The following BTBD2 variants were observed in gnomAD, a reference collection of about 807,000 sequenced individuals.
BTBD2 encodes BTB domain containing 2.
BTBD2 carries 15 observed loss-of-function variants against 44.0 expected under a neutral mutation model. That is an observed-to-expected ratio of 0.34 (90% CI 0.23 to 0.53). The LOEUF is 0.53. BTBD2 is among the 20% of genes least tolerant of loss of function. The pLI, the probability that BTBD2 is intolerant of heterozygous loss-of-function variation, is 0.95. For missense variants in BTBD2, 657 were observed against 746.4 expected, an observed-to-expected ratio of 0.88 and a Z score of 1.39; for synonymous variants, 443 against 335.9, an observed-to-expected ratio of 1.32 and a Z score of -3.49.
At position 1,997,483 on chromosome 19, in the gene BTBD2, G is replaced by A. The variant is rs1242094143; in HGVS notation, c.408-20C>T. 2.5e-6 allele frequency: 4 copies of A among 1,613,518 alleles called. No homozygotes were observed. The highest frequency in any genetic ancestry group is 3.4e-6 in the Non-Finnish European group (4 of 1,179,892). On this transcript the variant is annotated intron_variant, in intron 1 of 8. Transcript: ENST00000255608. ...ACGAACCTGGTACGGGAGAGAGAAG[G>A]CCCTGGTTAAGCCCGTGGCCGCCAC...
At chr19:2,006,206 T>C (rs1202533868) in intron 1 of BTBD2, among the ~76,000 whole-genome samples, 1 of 152,194 alleles carries the variant, frequency 6.6e-6, no homozygotes, top group African/African-American at 2.4e-5. Context: ...ATTCAACTCC[T>C]CGGTCACACT....
Position 1,990,400 on chromosome 19 carries a change from GGTT to G in BTBD2, c.791-202_791-200del, listed in dbSNP as rs377439507. 292 of 659,538 alleles carry G rather than the reference GGTT, an allele frequency of 4.4e-4. 2 individuals carry two copies. The East Asian group carries it at 5.5e-3, about 12-fold the overall frequency. 40.9% of individuals were successfully genotyped at this position (659,538 alleles called of 1,614,324 possible). A position where few individuals can be genotyped will look rare whatever the true frequency, so the allele number is the denominator to read the frequency against. ...ACGCCCCTTCATTTTCCTCGGCTGT[GGTT>G]GTTTTTAAGCCACAAGGACAGACTT... On this transcript the variant is annotated intron_variant, in intron 4 of 8. Transcript: ENST00000255608.
In BTBD2 at chr19:1,993,161, G is replaced by A; in HGVS notation, c.543C>T (p.Asp181=). ...FLALLKFLYS[D]EVQIGPETVM... ...CCGTCTCCGGGCCAATCTGCACCTCGTCCGAGTAGAGAAACCTGCAGAAGC... is the reference window on the plus strand; with the variant it reads ...CCGTCTCCGGGCCAATCTGCACCTCATCCGAGTAGAGAAACCTGCAGAAGC... Residue 181 remains aspartate (D), a synonymous_variant, in exon 3 of 9, where the codon GAC becomes GAT. Coordinates refer to ENST00000255608, the MANE Select transcript of BTBD2 (RefSeq NM_017797.4). The A allele has an allele frequency of 6.2e-7, 1 of 1,602,544 alleles. No homozygotes were observed. Among genetic ancestry groups the A allele is most frequent in the South Asian group, 1.1e-5 (1 of 90,688 alleles).
At chr19:2,015,178 G>A in intron 1 of BTBD2, 119 bp downstream of exon 1, 2 of 1,350,262 alleles carry the variant, frequency 1.5e-6, no homozygotes, top group East Asian at 3.2e-5. Flanking sequence ...GGGGTGCAGG[G>A]CTCGGGGATG....
chr19:2,012,005 C>G (rs568419967), intron 1 of BTBD2, among the ~76,000 whole-genome samples: 67 of 152,122 alleles, frequency 4.4e-4, no homozygotes, highest in African/African-American at 1.5e-3. Context: ...CAGTTGTGCA[C>G]CACCACACCC....
At chr19:1,998,076 CTCAT>C (rs60881878) in intron 1 of BTBD2, among the ~76,000 whole-genome samples, 15,184 of 142,080 alleles carry the variant, frequency 0.11, 925 homozygotes, top group East Asian at 0.23. Context: ...TCATCGCACA[CTCAT>C]TCACTCACCC....
intron 1 of BTBD2, among the ~76,000 whole-genome samples, chr19:2,011,772 C>T (rs902468172): frequency 2.0e-5 from 3 of 152,188 alleles, no homozygotes; most frequent in Non-Finnish European, 4.4e-5. Context: ...TGCTCCTCAG[C>T]CCTCAATATG....
intron 1 of BTBD2, chr19:2,013,431 T>C (rs533597342): frequency 4.6e-6 from 4 of 862,572 alleles, no homozygotes; most frequent in Non-Finnish European, 5.6e-6. Context: ...GAGCTGGGGG[T>C]CTCTGGGTTG....
Position 1,987,712 on chromosome 19 carries a change from T to G in BTBD2, c.989-20A>C. ...CGGGACCTGCAGCACAGGGAGGGTG[T>G]GGGGGAGGGCCGGGCTGCACCCCAG... is the stretch of plus-strand genomic sequence containing the variant. On this transcript the variant is annotated intron_variant, in intron 5 of 8. Transcript: ENST00000255608. 1.3e-6 allele frequency: 2 copies of G among 1,570,298 alleles called. No homozygotes were observed.
chr19:2,014,350 T>C (rs1226688698), intron 1 of BTBD2: 1 of 138,344 alleles, frequency 7.2e-6, no homozygotes, highest in Non-Finnish European at 1.5e-5. Context: ...GTCCTGGGAA[T>C]GGAGGAGCAG....
rs927206402 is a variant in BTBD2 at position 2,015,606 on chromosome 19, G to C, written c.98C>G (p.Ala33Gly). The C allele has an allele frequency of 1.0e-6, 1 of 973,252 alleles. No homozygotes were observed. The highest frequency in any genetic ancestry group is 1.8e-5 in the African/African-American group (1 of 54,334). 60.3% of individuals were successfully genotyped at this position (973,252 alleles called of 1,614,324 possible). A position where few individuals can be genotyped will look rare whatever the true frequency, so the allele number is the denominator to read the frequency against. ...CGCGTTGCCGGGGGCCGGGGTGGCG[G>C]CGGCGTTGGCGCTGGGCCCGGGACT... ...GGSPGPSANA[A>G]ATPAPGNAAA... Residue 33 changes from alanine (A) to glycine (G), a missense_variant, in exon 1 of 9, where the codon GCC becomes GGC. By Grantham distance (60) the Ala-to-Gly change is moderately conservative (BLOSUM62 0). Around this residue, in one of 3 missense-constraint regions of BTBD2, gnomAD observed 191 missense variants for 188.5 expected, o/e 1.01. Coordinates refer to ENST00000255608, the MANE Select transcript of BTBD2 (RefSeq NM_017797.4).
chr19:1,990,538 G>C lies in BTBD2; in HGVS notation c.790+179C>G, dbSNP rs977514004. Among the ~76,000 whole-genome samples, 3 of 152,318 alleles carry C rather than the reference G, an allele frequency of 2.0e-5. No homozygotes were observed. In the East Asian group the frequency reaches 5.8e-4, roughly 29 times the overall value. ...GTGGGCTCTGGCCTGTGGCCTCCTG[G>C]CCAAGGCCCCGGACTCCCGTGGGGC... On this transcript the variant is annotated intron_variant, in intron 4 of 8. Transcript: ENST00000255608.
Position 1,993,097 on chromosome 19 carries a change from G to C in BTBD2, c.607C>G (p.Pro203Ala), listed in dbSNP as rs1382007376. 6.2e-7 allele frequency: 1 copy of C among 1,608,958 alleles called. No individual in the cohort carries two copies. The highest frequency in any genetic ancestry group is 1.1e-5 in the South Asian group (1 of 90,914). ...TLYTAKKYAV[P>A]ALEAHCVEFL... Reference sequence around the variant, plus strand: ...TCCACGCAATGGGCCTCGAGCGCTGGCACCGCGTACTTCTTGGCGGTGTAT... The same window carrying C: ...TCCACGCAATGGGCCTCGAGCGCTGCCACCGCGTACTTCTTGGCGGTGTAT... The change falls in exon 3 of 9, where the codon CCA becomes GCA. Residue 203 changes from proline to alanine, a missense_variant. By Grantham distance (27) the Pro-to-Ala change is conservative. Around this residue, in one of 3 missense-constraint regions of BTBD2, gnomAD observed 449 missense variants for 510.9 expected, o/e 0.88. Transcript: ENST00000255608.
In BTBD2 at chr19:1,990,780, C is replaced by T; in HGVS notation, c.727G>A (p.Glu243Lys). The change falls in exon 4 of 9, where the codon GAG (glutamate) becomes AAG (lysine). Residue 243 changes from glutamate (E) to lysine (K), a missense_variant. By Grantham distance (56) the Glu-to-Lys change is moderately conservative (BLOSUM62 1). Around this residue, in one of 3 missense-constraint regions of BTBD2, gnomAD observed 449 missense variants for 510.9 expected, o/e 0.88. Transcript: ENST00000255608. ...DEPQLASLCL[E>K]NIDKNTADAI... ...TCTGCAGTGTTTTTGTCGATGTTCTCCAGGCACAGGCTGGCCAGCTGCGGT... is the reference window on the plus strand; with the variant it reads ...TCTGCAGTGTTTTTGTCGATGTTCTTCAGGCACAGGCTGGCCAGCTGCGGT... The T allele has an allele frequency of 1.3e-6, 2 of 1,598,570 alleles. No homozygotes were observed. Among genetic ancestry groups the T allele is most frequent in the Non-Finnish European group, 1.7e-6 (2 of 1,173,398 alleles).
rs1568218004 is a variant in BTBD2, at chr19:1,997,376, G to GTC, written c.493_494dup (p.Asp165GlufsTer27). The GTC allele has an allele frequency of 1.2e-6, 2 of 1,614,050 alleles. No homozygotes were observed. Among genetic ancestry groups the GTC allele is most frequent in the African/African-American group, 2.7e-5 (2 of 74,928 alleles). On this transcript the variant is annotated frameshift_variant, in exon 2 of 9. Transcript: ENST00000255608. LOFTEE classifies it high-confidence loss of function. ...GTGCGAGGAAGGCAGCGGGTTCCAC[G>GTC]TCGGGCAGCTCAATCTCCGTGGATG...
chr19:1,986,780 A>G, intron 8 of BTBD2, 50 bp downstream of exon 8: 2 of 1,572,898 alleles, frequency 1.3e-6, no homozygotes, highest in Non-Finnish European at 8.6e-7. Flanking sequence ...CGGTGGCTTC[A>G]GGATGGGCCA....
intron 1 of BTBD2, among the ~76,000 whole-genome samples, chr19:1,998,100 C>G (rs906447268): frequency 6.6e-6 from 1 of 152,192 alleles, no homozygotes; most frequent in African/African-American, 2.4e-5. Flanking sequence ...CATTCACACA[C>G]ACACACATTC....
intron 1 of BTBD2, among the ~76,000 whole-genome samples, chr19:2,009,034 T>TC (rs397690617): frequency 2.0e-5 from 3 of 151,278 alleles, no homozygotes; most frequent in Admixed American, 6.6e-5. Flanking sequence ...TTTTTTTTTT[T>TC]CCAAGACAGA....
At chr19:1,991,212 C>G in intron 3 of BTBD2, 1 of 195,304 alleles carries the variant, frequency 5.1e-6, no homozygotes, top group South Asian at 7.6e-5. Flanking sequence ...TGAAGCTTCC[C>G]GACCACAACA....
Sources: gnomAD v4.1 joint callset for allele counts (sites outside exome capture counted in the v4.1 genomes callset) on GRCh38, gnomAD v4.1.1 for gene constraint, gnomAD v4.1.1 regional missense constraint, MANE v1.5 for transcripts, NCBI Gene and HGNC (gene_info 2026-07-23, HGNC 2026-07-21) for gene names.